The following SYNE2 variants were observed in gnomAD, a reference collection of about 807,000 sequenced individuals.
The protein encoded by SYNE2 is nesprin-2.
In SYNE2, 431 loss-of-function variants were observed where a neutral mutation model predicts 856.3. The ratio of observed to expected loss-of-function variants is 0.50; its 90% confidence interval spans 0.47 to 0.55. The LOEUF (loss-of-function observed/expected upper bound fraction) is 0.55. SYNE2 is among the 20% of genes least tolerant of loss of function. SYNE2 has a pLI of 0.00. For synonymous variants in SYNE2, 2,923 were observed against 2,872.3 expected (o/e 1.02, Z -0.56); for missense variants, 8,129 against 8,023.2 (o/e 1.01, Z -0.50).
chr14:63,942,096 C>A lies in SYNE2; in HGVS notation c.361C>A (p.Pro121Thr). The change falls in exon 6 of 116, where the codon CCA becomes ACA. Residue 121 changes from proline (P) to threonine (T), a missense_variant. By Grantham distance (38) the Pro-to-Thr change is conservative. Around this residue, in one of 3 missense-constraint regions of SYNE2, gnomAD observed 2,422 missense variants for 2,357.4 expected, o/e 1.03. Coordinates refer to ENST00000555002, the MANE Select transcript of SYNE2 (RefSeq NM_182914.3). ...IHVTDIIDGN[P>T]SIILGLIWTI... ...TGTTACTGATATCATTGATGGAAAC[C>A]CATCCATTATCCTTGGCCTAATTTG... 2 of 1,611,380 alleles carry A rather than the reference C, an allele frequency of 1.2e-6. No individual in the cohort carries two copies. The highest frequency in any genetic ancestry group is 1.7e-6 in the Non-Finnish European group (2 of 1,178,234).
intron 32 of SYNE2, among the ~76,000 whole-genome samples, chr14:64,013,997 C>T (rs1289556065): frequency 1.3e-5 from 2 of 152,068 alleles, no homozygotes; most frequent in Non-Finnish European, 2.9e-5. Flanking sequence ...TAGCCCCATC[C>T]ACTTCCCTCC....
intron 23 of SYNE2, among the ~76,000 whole-genome samples, chr14:63,995,912 T>A (rs773007994): frequency 6.6e-6 from 1 of 152,190 alleles, no homozygotes; most frequent in Admixed American, 6.5e-5. Context: ...ACCTCCACTT[T>A]TGGCTAATTC....
chr14:63,827,625 C>CAAAAAAAAAAAAAACAACAAA (rs1889486747), intron 1 of SYNE2, among the ~76,000 whole-genome samples: 1 of 28,400 alleles, frequency 3.5e-5, no homozygotes, highest in African/African-American at 1.3e-4. Flanking sequence ...AACTCTGTCT[C>CAAAAAAAAAAAAAACAACAAA]AAAAAAAAAA....
chr14:64,201,768 CTA>C (rs2098568349), intron 99 of SYNE2, among the ~76,000 whole-genome samples: 1 of 152,130 alleles, frequency 6.6e-6, no homozygotes, highest in Admixed American at 6.5e-5. Flanking sequence ...ATTTATCTCT[CTA>C]GTGCTCCCAG....
intron 1 of SYNE2, among the ~76,000 whole-genome samples, chr14:63,771,431 G>A (rs902568270): frequency 5.9e-5 from 9 of 152,158 alleles, no homozygotes; most frequent in Admixed American, 1.3e-4. Flanking sequence ...ATTTGGTATT[G>A]TCTTAAAAAT....
intron 99 of SYNE2, chr14:64,196,831 T>A (rs2098542646): frequency 6.6e-6 from 1 of 152,228 alleles, no homozygotes; most frequent in Non-Finnish European, 1.5e-5. Flanking sequence ...AGATATTTGT[T>A]TACTGGAAGG....
In SYNE2 at chr14:64,022,787, T is replaced by C; in HGVS notation, c.5561T>C (p.Ile1854Thr). Reference sequence around the variant, plus strand: ...AACTTTAATGACTGGTTCAGCAACATTAAAGTGAACCTTAAGGAGTGTTTT... The same window carrying C: ...AACTTTAATGACTGGTTCAGCAACACTAAAGTGAACCTTAAGGAGTGTTTT... ...CKNFNDWFSN[I>T]KVNLKECFES... Residue 1854 changes from isoleucine (I) to threonine (T), a missense_variant, in exon 38 of 116, where the codon ATT becomes ACT. By Grantham distance (89) the Ile-to-Thr change is moderately conservative. This residue lies in a region of SYNE2 where 2,422 missense variants were observed against 2,357.4 expected (regional missense o/e 1.03). Coordinates refer to ENST00000555002, the MANE Select transcript of SYNE2 (RefSeq NM_182914.3). 6.2e-7 allele frequency: 1 copy of C among 1,611,092 alleles called. No homozygotes were observed. Among genetic ancestry groups the C allele is most frequent in the Non-Finnish European group, 8.5e-7 (1 of 1,177,752 alleles).
intron 88 of SYNE2, chr14:64,162,483 G>A: frequency 1.6e-6 from 1 of 633,682 alleles, no homozygotes; most frequent in Non-Finnish European, 2.9e-6. Context: ...GCTGGATCAG[G>A]GGGACTCGAT....
intron 1 of SYNE2, among the ~76,000 whole-genome samples, chr14:63,810,894 G>A (rs1484864639): frequency 6.6e-6 from 1 of 152,080 alleles, no homozygotes; most frequent in Non-Finnish European, 1.5e-5. Context: ...GAGTGCAGTG[G>A]CACAATGTCA....
intron 99 of SYNE2, 42 bp from the exon 100 acceptor site, chr14:64,202,759 G>GTT: frequency 6.3e-7 from 1 of 1,596,464 alleles, no homozygotes; most frequent in Non-Finnish European, 8.6e-7. Context: ...TCCATCACTG[G>GTT]TTTTTTTTTG....
chr14:63,954,669 G>A (rs1566900661), intron 7 of SYNE2, 50 bp from the exon 8 acceptor site: 2 of 1,534,838 alleles, frequency 1.3e-6, no homozygotes, highest in Non-Finnish European at 9.0e-7. Flanking sequence ...GGAGGGGGGT[G>A]TTACGTTCTT....
intron 8 of SYNE2, chr14:63,956,458 T>A: frequency 2.2e-6 from 1 of 456,660 alleles, no homozygotes; most frequent in South Asian, 1.5e-5. Flanking sequence ...CATTTAGCAG[T>A]CAACTCTCTT....
In SYNE2 at chr14:64,097,934, ACT is replaced by A. The variant is rs1195517616; in HGVS notation, c.12109-12_12109-11del. 1.9e-6 allele frequency: 3 copies of A among 1,613,988 alleles called. No individual in the cohort carries two copies. Among genetic ancestry groups the A allele is most frequent in the Non-Finnish European group, 2.5e-6 (3 of 1,179,950 alleles). On this transcript the variant is annotated splice_polypyrimidine_tract_variant and intron_variant, in intron 61 of 115. Coordinates refer to ENST00000555002, the MANE Select transcript of SYNE2 (RefSeq NM_182914.3). ...TCAGACTTCTCAAACCTATGCAAAC[ACT>A]CTTTCTACACAGGGAGAAATCGAAC...
intron 77 of SYNE2, among the ~76,000 whole-genome samples, chr14:64,133,123 G>A (rs901972649): frequency 2.6e-5 from 4 of 151,764 alleles, no homozygotes; most frequent in Admixed American, 1.3e-4. Context: ...GGAGAATGGC[G>A]TGAACCCGGG....
chr14:63,997,158 A>G lies in SYNE2; in HGVS notation c.3152A>G (p.Glu1051Gly), dbSNP rs1426075287. 1.2e-6 allele frequency: 2 copies of G among 1,613,330 alleles called. No individual in the cohort carries two copies. The highest frequency in any genetic ancestry group is 3.3e-5 in the Admixed American group (2 of 59,960). The change falls in exon 24 of 116, where the codon GAG becomes GGG. Residue 1051 changes from glutamate (E) to glycine (G), a missense_variant and splice_region_variant. Transcript: ENST00000555002. ...ACAGCGGGAGGCACGTCGAAAAACG[A>G]GTTAGTACTTCATAAGAATAGCTAC... is the stretch of plus-strand genomic sequence containing the variant. ...QPTAGGTSKN[E>G]GTITTSENRG...
chr14:63,968,129 C>G (rs1240144855), intron 11 of SYNE2, among the ~76,000 whole-genome samples: 1 of 152,056 alleles, frequency 6.6e-6, no homozygotes, highest in Non-Finnish European at 1.5e-5. Flanking sequence ...TACCACTGCT[C>G]TCCAGCCTGG....
chr14:64,133,483 C>A (rs8003196), intron 77 of SYNE2, among the ~76,000 whole-genome samples: 35,111 of 151,842 alleles, frequency 0.23, 6,700 homozygotes, highest in African/African-American at 0.53. Flanking sequence ...TTGGGGTCCT[C>A]GGGGTGGGCA....
chr14:63,928,807 G>T lies in SYNE2; in HGVS notation c.80-11807G>T, dbSNP rs962388462. On this transcript the variant is annotated intron_variant, in intron 2 of 115. Transcript: ENST00000555002. ...TTGGAACACATGGCTAAAATATGTTGCATTATTGTCTGAATTTAATTATCA... is the reference window on the plus strand; with the variant it reads ...TTGGAACACATGGCTAAAATATGTTTCATTATTGTCTGAATTTAATTATCA... 2.6e-5 allele frequency among the ~76,000 whole-genome samples: 4 copies of T among 152,222 alleles called. No individual in the cohort carries two copies. The East Asian group carries it at 7.7e-4, about 29-fold the overall frequency.
chr14:64,092,897 T>A (rs373375102), intron 60 of SYNE2, among the ~76,000 whole-genome samples: 2 of 152,238 alleles, frequency 1.3e-5, no homozygotes, highest in South Asian at 4.1e-4. Context: ...CCATCATCAC[T>A]GACCTCACAT....
Sources: allele counts gnomAD v4.1 joint callset (sites outside exome capture counted in the v4.1 genomes callset), GRCh38; gene constraint gnomAD v4.1.1; regional missense constraint gnomAD v4.1.1; transcripts MANE v1.5; gene names NCBI Gene and HGNC (gene_info 2026-07-23, HGNC 2026-07-21).